Variants in CHL1 observed in about 807,000 individuals in gnomAD.
CHL1 encodes the protein cell adhesion molecule L1 like.
CHL1 carries 96 observed loss-of-function variants against 141.9 expected under a neutral mutation model. That is an observed-to-expected ratio of 0.68 (90% confidence interval 0.57 to 0.80). The LOEUF (loss-of-function observed/expected upper bound fraction) is 0.80, where lower values mean the gene tolerates loss of function less well. CHL1 is among the 30% of genes least tolerant of loss of function. The probability of loss-of-function intolerance (pLI) is 0.00; values close to 1 mark genes in which losing one functional copy is unlikely to be tolerated. For synonymous variants in CHL1, 613 were observed against 502.2 expected (o/e 1.22, Z -2.95); for missense variants, 1,820 against 1,457.2 (o/e 1.25, Z -4.05).
chr3:298,555 G>A (rs576578485), intron 2 of CHL1, among the ~76,000 whole-genome samples: 1 of 152,272 alleles, frequency 6.6e-6, no homozygotes, highest in East Asian at 1.9e-4. Context: ...ATAGATTTCA[G>A]GTTTGTTTAT....
chr3:263,679 A>G (rs987251121), intron 2 of CHL1, among the ~76,000 whole-genome samples: 9 of 152,196 alleles, frequency 5.9e-5, no homozygotes, highest in African/African-American at 2.2e-4. Flanking sequence ...AAAGACATGA[A>G]TTATATTAAA....
At chr3:282,630 CTGTT>C (rs1648181289) in intron 2 of CHL1, 1 of 152,256 alleles carries the variant, frequency 6.6e-6, no homozygotes, top group South Asian at 2.1e-4. Flanking sequence ...TCTTGGTTGA[CTGTT>C]TGTGACTGGT....
At position 405,716 on chromosome 3, in the gene CHL1, A is replaced by G; in HGVS notation, c.*5A>G. The G allele has an allele frequency of 6.2e-7, 1 of 1,607,364 alleles. No homozygotes were observed. Among genetic ancestry groups the G allele is most frequent in the Non-Finnish European group, 8.5e-7 (1 of 1,174,248 alleles). On this transcript the variant is annotated 3_prime_UTR_variant, in exon 28 of 28. Coordinates refer to ENST00000256509, the MANE Select transcript of CHL1 (RefSeq NM_006614.4). Reference sequence around the variant, plus strand: ...ACTTTTCCCCTTCGGGCATAAACACAACATATGTAAGCAACGCTACTGGTT... The same window carrying G: ...ACTTTTCCCCTTCGGGCATAAACACGACATATGTAAGCAACGCTACTGGTT...
chr3:225,678 A>G (rs116323173), intron 1 of CHL1, among the ~76,000 whole-genome samples: 5,644 of 152,112 alleles, frequency 0.037, 345 homozygotes, highest in African/African-American at 0.13. Context: ...CAATAATTGT[A>G]CTCTTCTAGA....
At chr3:253,510 T>A (rs1424227349) in intron 2 of CHL1, among the ~76,000 whole-genome samples, 1 of 152,178 alleles carries the variant, frequency 6.6e-6, no homozygotes, top group Non-Finnish European at 1.5e-5. Flanking sequence ...AGTTTTTGTA[T>A]GCGGGCCAAT....
chr3:257,382 C>A (rs1365233357), intron 2 of CHL1, among the ~76,000 whole-genome samples: 1 of 139,554 alleles, frequency 7.2e-6, no homozygotes, highest in African/African-American at 2.8e-5. Context: ...GAGACAGAGT[C>A]TCTCTCTGTA....
rs1341943576 is a variant in CHL1 at position 408,531 on chromosome 3, T to C, written c.*2820T>C. On this transcript the variant is annotated 3_prime_UTR_variant, in exon 28 of 28. Coordinates refer to ENST00000256509, the MANE Select transcript of CHL1 (RefSeq NM_006614.4). ...GGTGTTCTTTTTTATGAAGAAAAAT[T>C]TGAAAATGATAAAAGCTAAGATGCC... The C allele has an allele frequency of 2.0e-5, 3 of 152,108 alleles. 1 individual carries two copies. Among genetic ancestry groups the C allele is most frequent in the African/African-American group, 7.2e-5 (3 of 41,450 alleles). The allele number at this position is 152,108 out of a possible 1,614,324, so 9.4% of individuals were successfully genotyped here.
At chr3:292,197 G>C (rs1574977130) in intron 2 of CHL1, among the ~76,000 whole-genome samples, 1 of 152,296 alleles carries the variant, frequency 6.6e-6, no homozygotes, top group Non-Finnish European at 1.5e-5. Context: ...CTAAATGGTA[G>C]ACGTATTGTT....
intron 1 of CHL1, chr3:217,510 G>A (rs959640246): frequency 6.6e-6 from 1 of 152,238 alleles, no homozygotes; most frequent in Non-Finnish European, 1.5e-5. Context: ...AGGATTATCT[G>A]AGAAGGTGCC....
At chr3:305,167 A>G (rs984117295) in intron 2 of CHL1, among the ~76,000 whole-genome samples, 5 of 152,170 alleles carry the variant, frequency 3.3e-5, no homozygotes, top group Admixed American at 2.6e-4. Context: ...CATTCAAAGG[A>G]AAATCTCTAC....
At chr3:212,580 G>C (rs1320102262) in intron 1 of CHL1, among the ~76,000 whole-genome samples, 5 of 152,144 alleles carry the variant, frequency 3.3e-5, no homozygotes, top group African/African-American at 4.8e-5. Flanking sequence ...TTTCTTGCTT[G>C]TCACTTTGAC....
At chr3:378,867 A>G (rs533295723) in intron 16 of CHL1, among the ~76,000 whole-genome samples, 1 of 152,210 alleles carries the variant, frequency 6.6e-6, no homozygotes, top group Non-Finnish European at 1.5e-5. Context: ...TCCTGCCCAC[A>G]TCTTTTTAAA....
intron 14 of CHL1, 69 bp from the exon 15 acceptor site, chr3:365,881 C>T: frequency 7.7e-7 from 1 of 1,305,270 alleles, no homozygotes. Flanking sequence ...GGTTACTTAA[C>T]TTGCAGGCAC....
At chr3:233,648 T>A (rs1485116224) in intron 1 of CHL1, among the ~76,000 whole-genome samples, 4 of 152,156 alleles carry the variant, frequency 2.6e-5, no homozygotes, top group African/African-American at 9.7e-5. Flanking sequence ...ATAGTATTTT[T>A]CATAAGAGCA....
At chr3:375,247 C>T (rs374071289) in intron 15 of CHL1, among the ~76,000 whole-genome samples, 3 of 151,910 alleles carry the variant, frequency 2.0e-5, no homozygotes, top group Admixed American at 6.6e-5. Flanking sequence ...GAATTTATAT[C>T]GTGCTTAACA....
intron 1 of CHL1, among the ~76,000 whole-genome samples, chr3:236,647 G>C (rs760114326): frequency 6.6e-6 from 1 of 152,132 alleles, no homozygotes; most frequent in Non-Finnish European, 1.5e-5. Flanking sequence ...TGTCTTCCAA[G>C]TTGTAACAGG....
In CHL1 at chr3:383,849, A is replaced by G. The variant is rs1236549808; in HGVS notation, c.2210A>G (p.Gln737Arg). The change falls in exon 19 of 28, where the codon CAA becomes CGA. Residue 737 changes from glutamine to arginine, a missense_variant. Coordinates refer to ENST00000256509, the MANE Select transcript of CHL1 (RefSeq NM_006614.4). ...AGGAATCCACAAAACATAAGGGTTC[A>G]AGCCTCTCAACCCAAGGAAATGATT... ...PDRNPQNIRV[Q>R]ASQPKEMIIK... 6 of 1,610,472 alleles carry G rather than the reference A, an allele frequency of 3.7e-6. No homozygotes were observed. Among genetic ancestry groups the G allele is most frequent in the South Asian group, 1.1e-5 (1 of 90,832 alleles).
chr3:308,990 A>C (rs1699501831), intron 2 of CHL1: 1 of 152,814 alleles, frequency 6.5e-6, no homozygotes, highest in South Asian at 2.1e-4. Flanking sequence ...GACGGTGCAC[A>C]GTGGAGCTCG....
chr3:277,944 A>G (rs1399348727), intron 2 of CHL1, among the ~76,000 whole-genome samples: 1 of 152,244 alleles, frequency 6.6e-6, no homozygotes, highest in African/African-American at 2.4e-5. Context: ...ATCTAACAGA[A>G]ACATAAAATG....
Sources: gnomAD v4.1 joint callset for allele counts (sites outside exome capture counted in the v4.1 genomes callset) on GRCh38, gnomAD v4.1.1 for gene constraint, MANE v1.5 for transcripts, NCBI Gene and HGNC (gene_info 2026-07-23, HGNC 2026-07-21) for gene names.